The following DPP6 variants were observed in gnomAD, a reference collection of about 807,000 sequenced individuals.
DPP6 encodes the protein dipeptidyl peptidase like 6.
Under a neutral mutation model 122.6 loss-of-function variants are expected in DPP6, and 69 were observed. The observed-to-expected ratio is 0.56, with a 90% CI of 0.46 to 0.69. The LOEUF (loss-of-function observed/expected upper bound fraction) is 0.69. Among genes scored for constraint, DPP6 ranks in the 30% least tolerant of loss-of-function variants. DPP6 has a pLI of 0.00. For synonymous variants in DPP6, 418 were observed against 433.1 expected, an observed-to-expected ratio of 0.97 and a Z score of 0.43; for missense variants, 928 against 1,116.9, an observed-to-expected ratio of 0.83 and a Z score of 2.41.
At chr7:154,834,754 G>A (rs1800915237) in intron 16 of DPP6, among the ~76,000 whole-genome samples, 1 of 152,170 alleles carries the variant, frequency 6.6e-6, no homozygotes, top group South Asian at 2.1e-4. Flanking sequence ...AAAGTTGAAT[G>A]TATTCATTGC....
the DPP6 span, among the ~76,000 whole-genome samples, chr7:153,776,148 T>C: frequency 6.6e-6 from 1 of 152,160 alleles, no homozygotes; most frequent in East Asian, 1.9e-4. Context: ...GGGATACTCA[T>C]ACTTGATTTC....
intron 1 of DPP6, among the ~76,000 whole-genome samples, chr7:154,427,279 A>G (rs1817994820): frequency 6.6e-6 from 1 of 152,216 alleles, no homozygotes. Context: ...AAAGCTTGAG[A>G]TTAAGTGAAA....
rs894971714 is a variant in DPP6, at chr7:154,760,696, G to A, written c.884-8721G>A. On this transcript the variant is annotated intron_variant, in intron 8 of 25. Coordinates refer to ENST00000377770, the MANE Select transcript of DPP6 (RefSeq NM_130797.4). The surrounding 1 kb of genome is among the most constrained non-coding windows in gnomAD (Gnocchi z 4.5). ...TGGGACCTGTTTGAGCGTGAGGCAG[G>A]TGAGCAGAAGACATCAGGCCCAGAA... 6.6e-6 allele frequency among the ~76,000 whole-genome samples: 1 copy of A among 152,156 alleles called. No homozygotes were observed. Among genetic ancestry groups the A allele is most frequent in the Non-Finnish European group, 1.5e-5 (1 of 68,042 alleles).
intron 1 of DPP6, among the ~76,000 whole-genome samples, chr7:154,168,755 G>A (rs182764740): frequency 6.6e-6 from 1 of 152,202 alleles, no homozygotes; most frequent in Non-Finnish European, 1.5e-5. Context: ...GATGGGAAAT[G>A]CATTTGCTCA....
intron 7 of DPP6, among the ~76,000 whole-genome samples, chr7:154,689,342 G>T (rs897014203): frequency 5.9e-5 from 9 of 152,170 alleles, no homozygotes; most frequent in African/African-American, 2.2e-4. Context: ...GGTTGTTGTT[G>T]TTGGTCTTGT....
chr7:154,460,451 C>A (rs1446177169), intron 2 of DPP6, among the ~76,000 whole-genome samples: 1 of 152,092 alleles, frequency 6.6e-6, no homozygotes, highest in African/African-American at 2.4e-5. Context: ...TTCATAACCA[C>A]GTGGGAAAAT....
chr7:153,949,010 A>G (rs1211020400), intron 1 of DPP6, among the ~76,000 whole-genome samples: 1 of 152,162 alleles, frequency 6.6e-6, no homozygotes, highest in Non-Finnish European at 1.5e-5. Context: ...GAAAAGCAAA[A>G]TGGATATATA....
At chr7:154,316,094 C>T (rs1234550256) in intron 1 of DPP6, among the ~76,000 whole-genome samples, 1 of 152,158 alleles carries the variant, frequency 6.6e-6, no homozygotes, top group East Asian at 1.9e-4. Context: ...ATTTATTCAT[C>T]GAATGAACCA....
At chr7:154,463,392 A>G (rs1267812318) in intron 2 of DPP6, among the ~76,000 whole-genome samples, 1 of 151,458 alleles carries the variant, frequency 6.6e-6, no homozygotes, top group Non-Finnish European at 1.5e-5. Context: ...TGTTTTTAGT[A>G]GAGACGGGGT....
chr7:154,608,295 C>G (rs1367380910), intron 5 of DPP6, among the ~76,000 whole-genome samples: 1 of 120,448 alleles, frequency 8.3e-6, no homozygotes, highest in East Asian at 3.1e-4. Flanking sequence ...TTCTAAATAC[C>G]ATGCTTGCAT....
chr7:154,485,224 T>G (rs973461398), intron 3 of DPP6, among the ~76,000 whole-genome samples: 2 of 152,158 alleles, frequency 1.3e-5, no homozygotes, highest in African/African-American at 4.8e-5. Flanking sequence ...TCTGAGAGTG[T>G]TTGGAGAGCA....
At position 154,723,549 on chromosome 7, in the gene DPP6, G is replaced by C. The variant is rs1488012853; in HGVS notation, c.763-4218G>C. On this transcript the variant is annotated intron_variant, in intron 7 of 25. Coordinates refer to ENST00000377770, the MANE Select transcript of DPP6 (RefSeq NM_130797.4). ...AGAACAGCTGCTGAAATTAAATTAGGTTGTATACTTGTTTCTGGAAGTTTT... is the reference window on the plus strand; with the variant it reads ...AGAACAGCTGCTGAAATTAAATTAGCTTGTATACTTGTTTCTGGAAGTTTT... Among the ~76,000 whole-genome samples, 3 of 151,998 alleles carry C rather than the reference G, an allele frequency of 2.0e-5. No individual in the cohort carries two copies. The East Asian group carries it at 5.8e-4, about 29-fold the overall frequency.
At chr7:154,054,372 A>G (rs1800644354) in intron 1 of DPP6, among the ~76,000 whole-genome samples, 2 of 152,062 alleles carry the variant, frequency 1.3e-5, no homozygotes, top group African/African-American at 2.4e-5. Flanking sequence ...GCCAGATACT[A>G]TGAAATCAGT....
Position 154,307,864 on chromosome 7 carries a change from C to CT in DPP6, c.244-138335dup, listed in dbSNP as rs10718595. Among the ~76,000 whole-genome samples the CT allele has an allele frequency of 5.4e-3, 719 of 133,558 alleles. 7 individuals are homozygous for CT. Among genetic ancestry groups the CT allele is most frequent in the Middle Eastern group, 0.016 (4 of 250 alleles). 87.6% of individuals were successfully genotyped at this position (133,558 alleles called of 152,430 possible). A position where few individuals can be genotyped will look rare whatever the true frequency, so the allele number is the denominator to read the frequency against. ...GAGACCAGGAAAGAGGAATATGTTT[C>CT]TTTTTTTTTTTTTTTAATTTATTTT... On this transcript the variant is annotated intron_variant, in intron 1 of 25. Transcript: ENST00000377770.
chr7:154,180,037 G>A (rs1237778000), intron 1 of DPP6, among the ~76,000 whole-genome samples: 2 of 152,108 alleles, frequency 1.3e-5, no homozygotes, highest in Non-Finnish European at 2.9e-5. Context: ...ATGAAGTACA[G>A]GATATATTTA....
chr7:154,080,022 T>G (rs56061551), intron 1 of DPP6, among the ~76,000 whole-genome samples: 10 of 149,058 alleles, frequency 6.7e-5, no homozygotes, highest in Non-Finnish European at 7.4e-5. Flanking sequence ...TTGAAACTTG[T>G]GGGCTGGGAA....
chr7:154,082,846 CTTTTTTT>C (rs1174987723), intron 1 of DPP6, among the ~76,000 whole-genome samples: 4 of 106,276 alleles, frequency 3.8e-5, no homozygotes, highest in Non-Finnish European at 5.6e-5. Flanking sequence ...TTTTCTTTTT[CTTTTTTT>C]TTTTTTTTTT....
At chr7:154,135,834 G>A (rs1397376900) in intron 1 of DPP6, among the ~76,000 whole-genome samples, 1 of 145,762 alleles carries the variant, frequency 6.9e-6, no homozygotes, top group African/African-American at 2.7e-5. Flanking sequence ...TGCACTTCCT[G>A]TGAGTACCAC....
At chr7:154,747,791 TCTC>T (rs1843104279) in intron 8 of DPP6, among the ~76,000 whole-genome samples, 1 of 151,996 alleles carries the variant, frequency 6.6e-6, no homozygotes, top group South Asian at 2.1e-4. Context: ...GGTGTCCAAT[TCTC>T]CACTGACACC....
Sources: allele counts gnomAD v4.1 joint callset (sites outside exome capture counted in the v4.1 genomes callset), GRCh38; gene constraint gnomAD v4.1.1; non-coding constraint Gnocchi (gnomAD v3.1); transcripts MANE v1.5; gene names NCBI Gene and HGNC (gene_info 2026-07-23, HGNC 2026-07-21).